Variants in LRCH3 observed in about 807,000 individuals in gnomAD.
LRCH3 encodes the protein DISP complex protein LRCH3.
Under a neutral mutation model 104.5 loss-of-function variants are expected in LRCH3, and 68 were observed. The observed-to-expected ratio is 0.65, with a 90% confidence interval of 0.54 to 0.80. The LOEUF (loss-of-function observed/expected upper bound fraction) is 0.80, where lower values mean the gene tolerates loss of function less well. Ranked by LOEUF, LRCH3 falls within the 30% of genes least tolerant of loss-of-function variation. The pLI is 0.00. For synonymous variants in LRCH3, 344 were observed against 361.3 expected (o/e 0.95, Z 0.54); for missense variants, 951 against 953.9 (o/e 1.00, Z 0.04).
chr3:197,852,292 A>G (rs1739713527), intron 12 of LRCH3: 1 of 354,914 alleles, frequency 2.8e-6, no homozygotes, highest in Non-Finnish European at 5.2e-6. Context: ...GGTTATTAGC[A>G]TTCGAGTGAT....
rs994050874 is a variant in LRCH3, at chr3:197,824,685, C to T, written c.641-2193C>T. Among the ~76,000 whole-genome samples, 4 of 150,820 alleles carry T rather than the reference C, an allele frequency of 2.7e-5. 1 individual carries two copies. Among genetic ancestry groups the T allele is most frequent in the African/African-American group, 9.8e-5 (4 of 40,816 alleles). ...CGTCCCGGGTTCAAGTGATTCTCTG[C>T]CTCAGCCTCCCAAGTAGCTGGGATT... On this transcript the variant is annotated intron_variant, in intron 4 of 20. Transcript: ENST00000425562.
At position 197,856,810 on chromosome 3, in the gene LRCH3, T is replaced by C. The variant is rs1237335950; in HGVS notation, c.1645-2024T>C. Reference sequence around the variant, plus strand: ...TCCATCCCTACCACAGTTCCTGGGATATATTAGGTGCTCAGTAAATATTTC... The same window carrying C: ...TCCATCCCTACCACAGTTCCTGGGACATATTAGGTGCTCAGTAAATATTTC... On this transcript the variant is annotated intron_variant, in intron 14 of 20. Coordinates refer to ENST00000425562, the MANE Select transcript of LRCH3 (RefSeq NM_001365715.1). This position sits in a 1 kb window ranked among gnomAD's most constrained non-coding sequence, Gnocchi z 4.2. Among the ~76,000 whole-genome samples the C allele has an allele frequency of 6.6e-6, 1 of 152,272 alleles. No homozygotes were observed. Among genetic ancestry groups the C allele is most frequent in the Non-Finnish European group, 1.5e-5 (1 of 68,052 alleles).
chr3:197,880,071 G>C (rs370945848), intron 20 of LRCH3, among the ~76,000 whole-genome samples: 6 of 149,900 alleles, frequency 4.0e-5, no homozygotes, highest in Non-Finnish European at 7.4e-5. Context: ...TCAGCCTCCC[G>C]AGTAGCTGGG....
intron 1 of LRCH3, among the ~76,000 whole-genome samples, chr3:197,797,510 G>GA (rs2109098463): frequency 6.6e-6 from 1 of 152,008 alleles, no homozygotes; most frequent in East Asian, 1.9e-4. Context: ...ATCAGTCTGG[G>GA]AAAAAACAGA....
At position 197,858,823 on chromosome 3, in the gene LRCH3, T is replaced by G. The variant is rs1483752977; in HGVS notation, c.1645-11T>G. 1 of 1,611,832 alleles carries G rather than the reference T, an allele frequency of 6.2e-7. No individual in the cohort carries two copies. Among genetic ancestry groups the G allele is most frequent in the Non-Finnish European group, 8.5e-7 (1 of 1,177,918 alleles). On this transcript the variant is annotated splice_polypyrimidine_tract_variant and intron_variant, in intron 14 of 20. Transcript: ENST00000425562. ...GCCTTCTGTTTCTTCTCTTTCTCAT[T>G]TGAAATGTAGTCGCTGTCAGGGTTG...
At chr3:197,849,485 A>G (rs1340089183) in intron 12 of LRCH3, among the ~76,000 whole-genome samples, 2 of 151,952 alleles carry the variant, frequency 1.3e-5, no homozygotes, top group Non-Finnish European at 2.9e-5. Context: ...TATCTCTGTC[A>G]TTGTATTTTC....
chr3:197,881,652 T>C, intron 20 of LRCH3: 1 of 985,492 alleles, frequency 1.0e-6, no homozygotes, highest in Non-Finnish European at 1.2e-6. Flanking sequence ...AGCACTTAGC[T>C]GCTAGACGTT....
chr3:197,866,115 A>T lies in LRCH3; in HGVS notation c.1769A>T (p.His590Leu), dbSNP rs145047359. The change falls in exon 17 of 21, where the codon CAT becomes CTT. Residue 590 changes from histidine (H) to leucine (L), a missense_variant. His to Leu is a moderately conservative substitution (Grantham distance 99). Transcript: ENST00000425562. ...LLSSPATETV[H>L]HSPAYSFPAA... ...TTTATTTTTCATGCTAATTTAGTTCATCATTCCCCTGCATATTCTTTTCCT... is the reference window on the plus strand; with the variant it reads ...TTTATTTTTCATGCTAATTTAGTTCTTCATTCCCCTGCATATTCTTTTCCT... 3.7e-6 allele frequency: 6 copies of T among 1,609,766 alleles called. No individual in the cohort carries two copies. The African/African-American group carries it at 5.3e-5, about 14-fold the overall frequency.
chr3:197,830,549 A>G (rs1735795028), intron 6 of LRCH3: 1 of 438,470 alleles, frequency 2.3e-6, no homozygotes, highest in African/African-American at 2.0e-5. Flanking sequence ...CAGAGGTGTG[A>G]TTGTTTTGAA....
intron 17 of LRCH3, among the ~76,000 whole-genome samples, chr3:197,868,100 A>G (rs1336376511): frequency 6.6e-6 from 1 of 152,216 alleles, no homozygotes; most frequent in Non-Finnish European, 1.5e-5. Context: ...AAGTCAAACT[A>G]CAGATGCACT....
intron 1 of LRCH3, among the ~76,000 whole-genome samples, chr3:197,793,717 A>G (rs1340418719): frequency 6.6e-6 from 1 of 152,236 alleles, no homozygotes; most frequent in Non-Finnish European, 1.5e-5. Flanking sequence ...CTACACTTTA[A>G]TAGTTTTGTA....
intron 9 of LRCH3, among the ~76,000 whole-genome samples, chr3:197,838,168 T>C (rs889146395): frequency 6.6e-6 from 1 of 151,724 alleles, no homozygotes; most frequent in Non-Finnish European, 1.5e-5. Flanking sequence ...TCCTGTAGTC[T>C]CAGCCACTCG....
intron 10 of LRCH3, among the ~76,000 whole-genome samples, chr3:197,843,217 A>C (rs1384517598): frequency 1.3e-5 from 2 of 152,160 alleles, no homozygotes; most frequent in Non-Finnish European, 2.9e-5. Flanking sequence ...TAGAATTAAC[A>C]TTTAGATAAA....
intron 1 of LRCH3, among the ~76,000 whole-genome samples, chr3:197,808,305 T>C (rs1732724640): frequency 6.6e-6 from 1 of 152,220 alleles, no homozygotes; most frequent in South Asian, 2.1e-4. Flanking sequence ...CACCTTCATC[T>C]CAGACTTCTA....
intron 20 of LRCH3, chr3:197,881,837 A>G (rs1409343421): frequency 1.0e-6 from 1 of 985,298 alleles, no homozygotes; most frequent in African/African-American, 1.7e-5. Flanking sequence ...GGAGGAGCAT[A>G]ACATCTGGGT....
At chr3:197,879,507 G>T (rs112867300) in intron 20 of LRCH3, among the ~76,000 whole-genome samples, 13 of 148,284 alleles carry the variant, frequency 8.8e-5, no homozygotes, top group South Asian at 4.1e-4. Context: ...TTAGCCGGGC[G>T]TGGTGGCGGG....
At chr3:197,820,559 C>G in intron 4 of LRCH3, 129 bp downstream of exon 4, 2 of 638,808 alleles carry the variant, frequency 3.1e-6, no homozygotes, top group East Asian at 2.8e-5. Flanking sequence ...GCCTGTAATG[C>G]CAACACTTTG....
chr3:197,827,944 G>A (rs1340530238), intron 5 of LRCH3, among the ~76,000 whole-genome samples: 3 of 152,054 alleles, frequency 2.0e-5, no homozygotes, highest in Non-Finnish European at 2.9e-5. Context: ...GGGTGCGGTG[G>A]TGGGCGCCTG....
rs1005355229 is a variant in LRCH3, at chr3:197,810,867, G to A, written c.263-4041G>A. ...AACAGTTTTTAAAAGATAACCTAAA[G>A]TCAGGTTAAAAAAAATAAGACTTTT... On this transcript the variant is annotated intron_variant, in intron 1 of 20. Coordinates refer to ENST00000425562, the MANE Select transcript of LRCH3 (RefSeq NM_001365715.1). The surrounding 1 kb of genome is among the most constrained non-coding windows in gnomAD (Gnocchi z 4.0). Among the ~76,000 whole-genome samples, 6 of 151,992 alleles carry A rather than the reference G, an allele frequency of 3.9e-5. No homozygotes were observed. The highest frequency in any genetic ancestry group is 1.4e-4 in the African/African-American group (6 of 41,382).
Sources: allele counts gnomAD v4.1 joint callset (sites outside exome capture counted in the v4.1 genomes callset), GRCh38; gene constraint gnomAD v4.1.1; non-coding constraint Gnocchi (gnomAD v3.1); transcripts MANE v1.5; gene names NCBI Gene and HGNC (gene_info 2026-07-23, HGNC 2026-07-21).